Variants in PHF14 observed in about 807,000 individuals in gnomAD.
PHF14 encodes the protein PHD finger protein 14.
PHF14 carries 55 observed loss-of-function variants against 117.9 expected under a neutral mutation model. That is an observed-to-expected ratio of 0.47 (90% confidence interval 0.38 to 0.58). The LOEUF (loss-of-function observed/expected upper bound fraction) is 0.58, where lower values mean the gene tolerates loss of function less well. Ranked by LOEUF, PHF14 falls within the 20% of genes least tolerant of loss-of-function variation. PHF14 has a pLI of 0.00. For missense variants in PHF14, 978 were observed against 1,122.2 expected, an observed-to-expected ratio of 0.87 and a Z score of 1.84; for synonymous variants, 409 against 368.6, an observed-to-expected ratio of 1.11 and a Z score of -1.26.
chr7:11,006,798 T>C, intron 4 of PHF14: 1 of 803,368 alleles, frequency 1.2e-6, no homozygotes. Flanking sequence ...ACTGCCTTCT[T>C]GGCCTTGAAA....
At position 11,093,443 on chromosome 7, in the gene PHF14, C is replaced by CT. The variant is rs146166545; in HGVS notation, c.2655-17905dup. Among the ~76,000 whole-genome samples the CT allele has an allele frequency of 3.7e-3, 557 of 152,298 alleles. 3 individuals are homozygous for CT. The highest frequency in any genetic ancestry group is 0.013 in the African/African-American group (541 of 41,562). ...GGGCTTATATTTTCTTGTTGCTCTG[C>CT]TTACCTCAGTGTACCACAAGGCTTC... On this transcript the variant is annotated intron_variant, in intron 16 of 17. Transcript: ENST00000634607.
intron 16 of PHF14, among the ~76,000 whole-genome samples, chr7:11,087,700 A>AT (rs1562459641): frequency 6.6e-6 from 1 of 151,922 alleles, no homozygotes; most frequent in Non-Finnish European, 1.5e-5. Context: ...TCACTTAATA[A>AT]TCTCTGTGTG....
rs7784204 is a variant in PHF14 at position 10,996,220 on chromosome 7, A to G, written c.1045+5373A>G. Reference sequence around the variant, plus strand: ...TGAAGTGAATCTAAGGTGGGAAACTAGGAAAATATTTAGGAGACCATTGCA... The same window carrying G: ...TGAAGTGAATCTAAGGTGGGAAACTGGGAAAATATTTAGGAGACCATTGCA... On this transcript the variant is annotated intron_variant, in intron 4 of 17. Transcript: ENST00000634607. 1.2e-3 allele frequency among the ~76,000 whole-genome samples: 185 copies of G among 152,368 alleles called. 1 individual carries two copies. The highest frequency in any genetic ancestry group is 4.4e-3 in the African/African-American group (184 of 41,596).
chr7:11,013,955 T>A, intron 5 of PHF14, 49 bp downstream of exon 5: 1 of 1,243,752 alleles, frequency 8.0e-7, no homozygotes, highest in Non-Finnish European at 1.1e-6. Flanking sequence ...ATAATGTGTC[T>A]GCCTTTGACT....
intron 17 of PHF14, among the ~76,000 whole-genome samples, chr7:11,162,591 A>G (rs901610171): frequency 4.6e-5 from 7 of 151,438 alleles, no homozygotes; most frequent in African/African-American, 1.7e-4. Context: ...TGTTGCCTTT[A>G]GTGTAAATAT....
At chr7:11,102,344 G>C (rs1047513400) in intron 16 of PHF14, 1 of 788,944 alleles carries the variant, frequency 1.3e-6, no homozygotes. Flanking sequence ...ATGGCATTTA[G>C]GTTTAGAGTA....
At chr7:11,035,551 G>A in intron 7 of PHF14, 89 bp from the exon 8 acceptor site, 1 of 755,612 alleles carries the variant, frequency 1.3e-6, no homozygotes, top group Admixed American at 3.1e-5. Context: ...TAGATTCTTT[G>A]AAAAGGAAGT....
At chr7:11,042,634 C>G (rs367589743) in intron 12 of PHF14, 49 bp from the exon 13 acceptor site, 175 of 1,323,644 alleles carry the variant, frequency 1.3e-4, no homozygotes, top group Non-Finnish European at 1.8e-4. Flanking sequence ...TAAACTGTTT[C>G]ACTATGATAA....
intron 17 of PHF14, among the ~76,000 whole-genome samples, chr7:11,127,876 A>G (rs1392459135): frequency 2.0e-5 from 3 of 152,046 alleles, no homozygotes; most frequent in Non-Finnish European, 2.9e-5. Context: ...TCCTATCACC[A>G]TGACTTAAAT....
chr7:11,117,721 C>A (rs75016615), intron 17 of PHF14, among the ~76,000 whole-genome samples: 12,301 of 150,360 alleles, frequency 0.082, 550 homozygotes, highest in African/African-American at 0.11. Flanking sequence ...TATCTTGCCA[C>A]AATACATTAA....
chr7:10,982,936 C>A lies in PHF14; in HGVS notation c.677C>A (p.Ala226Glu). 1 of 1,607,070 alleles carries A rather than the reference C, an allele frequency of 6.2e-7. No homozygotes were observed. Among genetic ancestry groups the A allele is most frequent in the Non-Finnish European group, 8.5e-7 (1 of 1,176,178 alleles). The change falls in exon 3 of 18, where the codon GCG becomes GAG. Residue 226 changes from alanine to glutamate, a missense_variant. Transcript: ENST00000634607. ...GTAGTAAAGAGAAAAGGGAGATCTG[C>A]GTCTCAGAAAGAGGGAAGTGATGGA... ...PTVVKRKGRS[A>E]SQKEGSDGDN...
chr7:11,103,927 A>G, intron 16 of PHF14: 1 of 982,948 alleles, frequency 1.0e-6, no homozygotes. Context: ...TTTTGTTTAA[A>G]AGAATAAGAT....
At chr7:11,063,289 A>C in intron 16 of PHF14, 1 of 984,266 alleles carries the variant, frequency 1.0e-6, no homozygotes, top group Non-Finnish European at 1.2e-6. Flanking sequence ...TTTAGGGTAA[A>C]GTAGTAAGTA....
At chr7:11,168,722 G>T (rs1165709160) in intron 17 of PHF14, among the ~76,000 whole-genome samples, 1 of 152,076 alleles carries the variant, frequency 6.6e-6, no homozygotes. Context: ...GATGAGATGG[G>T]TTACAAATTG....
chr7:11,138,651 T>G (rs796638936), intron 17 of PHF14, among the ~76,000 whole-genome samples: 4 of 152,326 alleles, frequency 2.6e-5, no homozygotes, highest in African/African-American at 9.6e-5. Context: ...TATTTTAATT[T>G]CTGATATTTA....
At chr7:11,151,136 A>G (rs562606561) in intron 17 of PHF14, among the ~76,000 whole-genome samples, 2 of 152,214 alleles carry the variant, frequency 1.3e-5, no homozygotes, top group Non-Finnish European at 2.9e-5. Context: ...ATTGTTGAAC[A>G]TGTATATTAT....
intron 4 of PHF14, among the ~76,000 whole-genome samples, chr7:11,009,691 T>G (rs2128315146): frequency 6.6e-6 from 1 of 152,266 alleles, no homozygotes; most frequent in South Asian, 2.1e-4. Context: ...CAGAGAAATA[T>G]GGGATAAGTG....
chr7:11,004,654 T>C (rs986132726), intron 4 of PHF14, among the ~76,000 whole-genome samples: 12 of 152,170 alleles, frequency 7.9e-5, no homozygotes, highest in African/African-American at 2.9e-4. Context: ...ATCTGATTGT[T>C]TTCTTGTGAT....
chr7:11,036,534 T>A lies in PHF14; in HGVS notation c.1719T>A (p.Ala573=). 6.2e-7 allele frequency: 1 copy of A among 1,614,000 alleles called. No individual in the cohort carries two copies. The highest frequency in any genetic ancestry group is 8.5e-7 in the Non-Finnish European group (1 of 1,179,872). ...EKLPRPLTSS[A]SAIRKLMRKA... The stretch of plus-strand genomic sequence containing the variant: ...TGCCCAGACCACTCACCAGCAGTGC[T>A]TCAGCTATTCGTAAACTTATGCGGA... Residue 573 remains alanine (A), a synonymous_variant, in exon 9 of 18, where the codon GCT becomes GCA. Coordinates refer to ENST00000634607, the MANE Select transcript of PHF14 (RefSeq NM_001007157.2).
Sources: allele counts gnomAD v4.1 joint callset (sites outside exome capture counted in the v4.1 genomes callset), GRCh38; gene constraint gnomAD v4.1.1; transcripts MANE v1.5; gene names NCBI Gene and HGNC (gene_info 2026-07-23, HGNC 2026-07-21).